Variants in ANKRD37 observed in about 807,000 individuals in gnomAD.
ANKRD37 encodes the protein ankyrin repeat domain-containing protein 37.
A neutral mutation model predicts 19.7 loss-of-function variants in ANKRD37; 17 were observed. The observed-to-expected ratio is 0.86, with a 90% CI of 0.59 to 1.29. The LOEUF (loss-of-function observed/expected upper bound fraction) is 1.29. Among genes scored for constraint, ANKRD37 ranks in the 50% most tolerant of loss-of-function variants. The probability of loss-of-function intolerance (pLI) is 0.00; values close to 1 mark genes in which losing one functional copy is unlikely to be tolerated. For missense variants in ANKRD37, 207 were observed against 190.4 expected (o/e 1.09, Z -0.51); for synonymous variants, 79 against 74.5 (o/e 1.06, Z -0.31).
chr4:185,399,483 G>T, intron 3 of ANKRD37, 87 bp from the exon 4 acceptor site: 1 of 1,446,340 alleles, frequency 6.9e-7, no homozygotes. Flanking sequence ...ACCAACATTT[G>T]TATGAGCCCA....
chr4:185,399,927 G>C lies in ANKRD37; in HGVS notation c.*-90G>C, dbSNP rs545340571. On this transcript the variant is annotated intron_variant, in intron 4 of 4. Transcript: ENST00000335174. ...TACTGGTTATACTTACCAGAGTCTA[G>C]AGACCAAAAATGGGACTGCATGGTG... 5.8e-6 allele frequency: 9 copies of C among 1,553,318 alleles called. No individual in the cohort carries two copies. In the South Asian group the frequency reaches 7.3e-5, roughly 13 times the overall value.
chr4:185,397,454 TAA>T (rs2095506321), intron 2 of ANKRD37, 152 bp downstream of exon 2: 11 of 1,105,010 alleles, frequency 1.0e-5, no homozygotes, highest in Non-Finnish European at 1.4e-5. Flanking sequence ...AGATGTAATT[TAA>T]GAGTTTTTTT....
rs767342230 is a variant in ANKRD37 at position 185,397,250 on chromosome 4, T to G, written c.128T>G (p.Leu43Arg). 1 of 1,614,142 alleles carries G rather than the reference T, an allele frequency of 6.2e-7. No homozygotes were observed. Among genetic ancestry groups the G allele is most frequent in the East Asian group, 2.2e-5 (1 of 44,888 alleles). Reference sequence around the variant, plus strand: ...GTCCACTTAGCCGCAGGAAGCGGCCTTGCTTGCTTTCTTCTCTGGCAGCTG... The same window carrying G: ...GTCCACTTAGCCGCAGGAAGCGGCCGTGCTTGCTTTCTTCTCTGGCAGCTG... ...SPVHLAAGSGLACFLLWQLQT... is the reference protein window; with the variant it reads ...SPVHLAAGSGRACFLLWQLQT... The change falls in exon 2 of 5, where the codon CTT becomes CGT. Residue 43 changes from leucine (L) to arginine (R), a missense_variant. Coordinates refer to ENST00000335174, the MANE Select transcript of ANKRD37 (RefSeq NM_181726.4).
intron 3 of ANKRD37, among the ~76,000 whole-genome samples, chr4:185,399,315 C>T (rs569569883): frequency 2.8e-4 from 43 of 152,252 alleles, no homozygotes; most frequent in African/African-American, 1.0e-3. Flanking sequence ...CCATTGACTA[C>T]CTTTGGGTAC....
At chr4:185,398,613 G>A (rs1166934581) in intron 2 of ANKRD37, among the ~76,000 whole-genome samples, 3 of 152,098 alleles carry the variant, frequency 2.0e-5, no homozygotes, top group Non-Finnish European at 4.4e-5. Flanking sequence ...ACTTGCAAAC[G>A]ATTATCAGTA....
rs545340571 is a variant in ANKRD37 at position 185,399,927 on chromosome 4, G to A, written c.*-90G>A. On this transcript the variant is annotated intron_variant, in intron 4 of 4. Coordinates refer to ENST00000335174, the MANE Select transcript of ANKRD37 (RefSeq NM_181726.4). The stretch of plus-strand genomic sequence containing the variant: ...TACTGGTTATACTTACCAGAGTCTA[G>A]AGACCAAAAATGGGACTGCATGGTG... The A allele has an allele frequency of 1.0e-5, 16 of 1,553,314 alleles. No individual in the cohort carries two copies. In the South Asian group the frequency reaches 1.6e-4, roughly 15 times the overall value.
chr4:185,398,445 A>T (rs757804798), intron 2 of ANKRD37, among the ~76,000 whole-genome samples: 1 of 152,348 alleles, frequency 6.6e-6, no homozygotes, highest in Non-Finnish European at 1.5e-5. Flanking sequence ...GTACATTTCT[A>T]TGTTTCAAAT....
chr4:185,397,414 G>C, intron 2 of ANKRD37, 112 bp downstream of exon 2: 1 of 1,324,060 alleles, frequency 7.6e-7, no homozygotes, highest in African/African-American at 1.5e-5. Context: ...CTATAGCAGC[G>C]ATGTCCAACA....
At position 185,399,631 on chromosome 4, in the gene ANKRD37, T is replaced by C. The variant is rs750030790; in HGVS notation, c.334T>C (p.Cys112Arg). 6 of 1,614,196 alleles carry C rather than the reference T, an allele frequency of 3.7e-6. No individual in the cohort carries two copies. The East Asian group carries it at 1.1e-4, about 30-fold the overall frequency. The change falls in exon 4 of 5, where the codon TGT (cysteine) becomes CGT (arginine). Residue 112 changes from cysteine (C) to arginine (R), a missense_variant. Physicochemically the swap from Cys to Arg is radical, Grantham distance 180. Transcript: ENST00000335174. The stretch of plus-strand genomic sequence containing the variant: ...CGCTTGGTCATGTGGATTTCCAGAC[T>C]GTGCCAAGTTTCTTACAACAATTAA... ...DLAWSCGFPD[C>R]AKFLTTIKCM...
intron 4 of ANKRD37, 44 bp downstream of exon 4, chr4:185,399,817 T>A (rs752309014): frequency 1.9e-6 from 3 of 1,610,390 alleles, no homozygotes; most frequent in African/African-American, 2.7e-5. Flanking sequence ...CGCAGTGATC[T>A]CTTGTTTGCA....
chr4:185,400,486 G>C (rs746178029), downstream of ANKRD37: 7 of 1,603,970 alleles, frequency 4.4e-6, no homozygotes, highest in East Asian at 1.6e-4. Flanking sequence ...GCCCTGGATA[G>C]AGAAGACGGG....
At chr4:185,399,795 C>G in intron 4 of ANKRD37, 22 bp downstream of exon 4, 1 of 1,613,332 alleles carries the variant, frequency 6.2e-7, no homozygotes. Flanking sequence ...AGAGCTGCTG[C>G]TTTTTTCCTC....
intron 2 of ANKRD37, among the ~76,000 whole-genome samples, chr4:185,398,668 A>T (rs2095508955): frequency 6.6e-6 from 1 of 152,190 alleles, no homozygotes; most frequent in South Asian, 2.1e-4. Context: ...TATATGTATC[A>T]AAAACACATG....
chr4:185,398,201 G>A (rs932181077), intron 2 of ANKRD37, among the ~76,000 whole-genome samples: 8 of 152,032 alleles, frequency 5.3e-5, no homozygotes, highest in African/African-American at 1.7e-4. Flanking sequence ...TAGGTGATCC[G>A]CCTGCCTCAG....
Position 185,400,195 on chromosome 4 carries a change from G to C in ANKRD37, c.*178G>C. 1.4e-6 allele frequency: 1 copy of C among 701,116 alleles called. No homozygotes were observed. Among genetic ancestry groups the C allele is most frequent in the Non-Finnish European group, 2.3e-6 (1 of 426,456 alleles). The allele number at this position is 701,116 out of a possible 1,614,324, so 43.4% of individuals were successfully genotyped here. A position where few individuals can be genotyped will look rare whatever the true frequency, so the allele number is the denominator to read the frequency against. On this transcript the variant is annotated 3_prime_UTR_variant, in exon 5 of 5. Coordinates refer to ENST00000335174, the MANE Select transcript of ANKRD37 (RefSeq NM_181726.4). Reference sequence around the variant, plus strand: ...GTATTTACATGCCTATAATATGCTGGTTGTGTATGCTTTGTCTTTTAAGTT... The same window carrying C: ...GTATTTACATGCCTATAATATGCTGCTTGTGTATGCTTTGTCTTTTAAGTT...
At chr4:185,397,421 A>G (rs994297490) in intron 2 of ANKRD37, 119 bp downstream of exon 2, 16 of 1,276,824 alleles carry the variant, frequency 1.3e-5, no homozygotes, top group African/African-American at 1.5e-5. Flanking sequence ...AGCGATGTCC[A>G]ACAGAAATAT....
intron 4 of ANKRD37, 104 bp from the exon 5 acceptor site, chr4:185,399,912 AC>A (rs2095511172): frequency 8.4e-6 from 13 of 1,545,164 alleles, no homozygotes; most frequent in Non-Finnish European, 1.0e-5. Flanking sequence ...TACTGGTTAT[AC>A]TTACCAGAGT....
At chr4:185,399,949 G>C (rs1216717239) in intron 4 of ANKRD37, 68 bp from the exon 5 acceptor site, 44 of 1,573,872 alleles carry the variant, frequency 2.8e-5, no homozygotes, top group Middle Eastern at 1.7e-4. Context: ...GGGACTGCAT[G>C]GTGGAAGTTT....
chr4:185,399,471 C>A, intron 3 of ANKRD37, 99 bp from the exon 4 acceptor site: 1 of 1,330,776 alleles, frequency 7.5e-7, no homozygotes, highest in Non-Finnish European at 1.0e-6. Context: ...TTCTGTTCTG[C>A]AACCAACATT....
Sources: allele counts gnomAD v4.1 joint callset (sites outside exome capture counted in the v4.1 genomes callset), GRCh38; gene constraint gnomAD v4.1.1; transcripts MANE v1.5; gene names NCBI Gene and HGNC (gene_info 2026-07-23, HGNC 2026-07-21).